The following ERICH3 variants were observed in gnomAD, a reference collection of about 807,000 sequenced individuals.
ERICH3 encodes the protein glutamate rich 3.
In ERICH3, 126 loss-of-function variants were observed where a neutral mutation model predicts 131.1. The ratio of observed to expected loss-of-function variants is 0.96; its 90% CI spans 0.83 to 1.11. The LOEUF is 1.11. Among genes scored for constraint, ERICH3 ranks in the 50% most tolerant of loss-of-function variants. The pLI is 0.00. For synonymous variants in ERICH3, 695 were observed against 644.6 expected (o/e 1.08, Z -1.18); for missense variants, 2,050 against 1,810.7 (o/e 1.13, Z -2.40).
At chr1:74,660,096 C>G (rs976679217) in intron 1 of ERICH3, among the ~76,000 whole-genome samples, 3 of 151,508 alleles carry the variant, frequency 2.0e-5, no homozygotes, top group Non-Finnish European at 2.9e-5. Context: ...TCATGCTATT[C>G]TTGTGATAGT....
At chr1:74,626,496 G>A (rs1649420403) in intron 7 of ERICH3, among the ~76,000 whole-genome samples, 1 of 152,116 alleles carries the variant, frequency 6.6e-6, no homozygotes, top group Admixed American at 6.5e-5. Flanking sequence ...AAAAATAAAA[G>A]CAAACTTTGT....
intron 1 of ERICH3, among the ~76,000 whole-genome samples, chr1:74,654,689 T>C (rs1428187796): frequency 6.6e-6 from 1 of 152,072 alleles, no homozygotes; most frequent in Non-Finnish European, 1.5e-5. Context: ...CATCTCCAAA[T>C]ACTATCACAT....
intron 1 of ERICH3, among the ~76,000 whole-genome samples, chr1:74,667,307 C>T (rs181443644): frequency 4.9e-4 from 74 of 152,064 alleles, no homozygotes; most frequent in African/African-American, 1.3e-3. Context: ...TTTTTGTTTT[C>T]GCAAATTTTA....
chr1:74,583,030 A>G (rs1647206087), intron 12 of ERICH3, among the ~76,000 whole-genome samples: 1 of 152,110 alleles, frequency 6.6e-6, no homozygotes, highest in African/African-American at 2.4e-5. Context: ...TCTCCTTTAA[A>G]ACAATGTAAA....
At chr1:74,647,873 T>C (rs982971103) in intron 2 of ERICH3, among the ~76,000 whole-genome samples, 4 of 152,170 alleles carry the variant, frequency 2.6e-5, no homozygotes, top group Admixed American at 1.3e-4. Flanking sequence ...GGTATACCTA[T>C]AGAAAGTGTG....
chr1:74,585,619 T>G (rs1217639569), intron 12 of ERICH3, among the ~76,000 whole-genome samples: 1 of 152,156 alleles, frequency 6.6e-6, no homozygotes, highest in African/African-American at 2.4e-5. Flanking sequence ...TAGATTATTC[T>G]TTAACATAAT....
rs754270056 is a variant in ERICH3 at position 74,572,606 on chromosome 1, A to C, written c.3104T>G (p.Val1035Gly). 4 of 1,613,514 alleles carry C rather than the reference A, an allele frequency of 2.5e-6. No individual in the cohort carries two copies. The South Asian group carries it at 4.4e-5, about 18-fold the overall frequency. The change falls in exon 14 of 15, where the codon GTG becomes GGG. Residue 1035 changes from valine to glycine, a missense_variant. By Grantham distance (109) the Val-to-Gly change is moderately radical. Coordinates refer to ENST00000326665, the MANE Select transcript of ERICH3 (RefSeq NM_001002912.5). ...TTCCCTATTAGCTTCTGCCTCAGTC[A>C]CCATCTCTTCCCCTTCCACATCTTC... ...CKEDVEGEEM[V>G]TEAEANREDD...
intron 10 of ERICH3, among the ~76,000 whole-genome samples, chr1:74,605,067 G>A (rs1648321311): frequency 6.6e-6 from 1 of 151,884 alleles, no homozygotes; most frequent in African/African-American, 2.4e-5. Flanking sequence ...TCTTCGCTAG[G>A]TCTTCTGGAT....
chr1:74,649,564 T>A (rs1167393928), intron 1 of ERICH3, among the ~76,000 whole-genome samples: 1 of 151,978 alleles, frequency 6.6e-6, no homozygotes, highest in Non-Finnish European at 1.5e-5. Flanking sequence ...ACAAGTAAAG[T>A]GGATGGGGAA....
intron 1 of ERICH3, among the ~76,000 whole-genome samples, chr1:74,654,636 A>G (rs2100647602): frequency 6.6e-6 from 1 of 152,214 alleles, no homozygotes; most frequent in East Asian, 1.9e-4. Flanking sequence ...CTCTTCTTAT[A>G]AGGGCACCAA....
chr1:74,571,749 C>T lies in ERICH3; in HGVS notation c.3961G>A (p.Glu1321Lys), dbSNP rs749046982. Residue 1321 changes from glutamate (E) to lysine (K), a missense_variant, in exon 14 of 15, where the codon GAA (glutamate) becomes AAA (lysine). Coordinates refer to ENST00000326665, the MANE Select transcript of ERICH3 (RefSeq NM_001002912.5). ...TTCTTTTGTGTGTTTCCTTCTCCTTCCATGTCCCCGTCCCCTTCCGAGTTC... is the reference window on the plus strand; with the variant it reads ...TTCTTTTGTGTGTTTCCTTCTCCTTTCATGTCCCCGTCCCCTTCCGAGTTC... ...DRNSEGDGDM[E>K]GEGNTQKNEG... The T allele has an allele frequency of 6.2e-7, 1 of 1,614,188 alleles. No individual in the cohort carries two copies. The highest frequency in any genetic ancestry group is 8.5e-7 in the Non-Finnish European group (1 of 1,180,030).
chr1:74,575,296 T>C (rs966646714), intron 13 of ERICH3, among the ~76,000 whole-genome samples: 9 of 152,240 alleles, frequency 5.9e-5, no homozygotes, highest in East Asian at 1.9e-4. Context: ...TCCCTTAAAA[T>C]GTGTTTGGAA....
At chr1:74,608,878 A>G (rs1055470922) in intron 9 of ERICH3, among the ~76,000 whole-genome samples, 3 of 151,968 alleles carry the variant, frequency 2.0e-5, no homozygotes, top group Admixed American at 2.0e-4. Flanking sequence ...CACCAAATCC[A>G]TTGATTTGGA....
chr1:74,628,229 G>A (rs949684425), intron 7 of ERICH3, among the ~76,000 whole-genome samples: 4 of 152,066 alleles, frequency 2.6e-5, no homozygotes, highest in African/African-American at 9.7e-5. Flanking sequence ...ATTTTCCATC[G>A]TGTTTAGCGT....
At chr1:74,626,956 T>C (rs1038258686) in intron 7 of ERICH3, among the ~76,000 whole-genome samples, 2 of 152,212 alleles carry the variant, frequency 1.3e-5, no homozygotes, top group African/African-American at 4.8e-5. Context: ...CATTGCTTTT[T>C]ACTCTTTCTT....
chr1:74,604,034 T>C (rs989172935), intron 10 of ERICH3, among the ~76,000 whole-genome samples: 7 of 151,960 alleles, frequency 4.6e-5, no homozygotes, highest in Admixed American at 1.3e-4. Flanking sequence ...GTAAAACCTC[T>C]TTTAAAATTG....
At chr1:74,653,081 C>G (rs1646552055) in intron 1 of ERICH3, among the ~76,000 whole-genome samples, 1 of 152,086 alleles carries the variant, frequency 6.6e-6, no homozygotes, top group South Asian at 2.1e-4. Flanking sequence ...ACTTAACCCT[C>G]TAACCCTGCC....
intron 8 of ERICH3, among the ~76,000 whole-genome samples, chr1:74,618,577 G>A (rs1408613141): frequency 6.6e-6 from 1 of 152,124 alleles, no homozygotes; most frequent in Non-Finnish European, 1.5e-5. Context: ...GGTTTGTGTT[G>A]TCTGAAAAGA....
chr1:74,664,661 C>T (rs1421193359), intron 1 of ERICH3, among the ~76,000 whole-genome samples: 2 of 152,034 alleles, frequency 1.3e-5, no homozygotes. Context: ...TCTTTCCTTG[C>T]TTCAATATTT....
Sources: allele counts gnomAD v4.1 joint callset (sites outside exome capture counted in the v4.1 genomes callset), GRCh38; gene constraint gnomAD v4.1.1; transcripts MANE v1.5; gene names NCBI Gene and HGNC (gene_info 2026-07-23, HGNC 2026-07-21).